The following MPPED2 variants were observed in gnomAD, a reference collection of about 807,000 sequenced individuals.
MPPED2 encodes the protein metallophosphoesterase MPPED2.
Under a neutral mutation model 33.0 loss-of-function variants are expected in MPPED2, and 5 were observed. That is an observed-to-expected ratio of 0.15 (90% confidence interval 0.08 to 0.32). The LOEUF is 0.32. Among genes scored for constraint, MPPED2 ranks in the 10% least tolerant of loss-of-function variants. MPPED2 has a pLI of 1.00. For synonymous variants in MPPED2, 136 were observed against 141.9 expected (o/e 0.96, Z 0.29); for missense variants, 275 against 372.1 (o/e 0.74, Z 2.15).
At chr11:30,560,637 C>T (rs1176344385) in intron 2 of MPPED2, among the ~76,000 whole-genome samples, 1 of 152,264 alleles carries the variant, frequency 6.6e-6, no homozygotes, top group East Asian at 1.9e-4. Context: ...AGCAAGCACC[C>T]TAATACTAAC....
chr11:30,549,682 T>C (rs545710665), intron 2 of MPPED2, among the ~76,000 whole-genome samples: 1 of 152,188 alleles, frequency 6.6e-6, no homozygotes, highest in East Asian at 1.9e-4. Context: ...AACAAAAACC[T>C]CACAGGTACT....
At chr11:30,574,093 G>A (rs999808414) in intron 2 of MPPED2, among the ~76,000 whole-genome samples, 2 of 152,066 alleles carry the variant, frequency 1.3e-5, no homozygotes, top group African/African-American at 4.8e-5. Flanking sequence ...AGTGTAGACT[G>A]TTTATAAAGC....
chr11:30,414,123 C>G, intron 6 of MPPED2, 105 bp downstream of exon 6: 1 of 726,444 alleles, frequency 1.4e-6, no homozygotes, highest in Non-Finnish European at 2.5e-6. Flanking sequence ...AAAAGGGTCC[C>G]GCTGCTAAAA....
At chr11:30,523,216 A>G (rs1953970209) in intron 3 of MPPED2, among the ~76,000 whole-genome samples, 1 of 152,144 alleles carries the variant, frequency 6.6e-6, no homozygotes, top group South Asian at 2.1e-4. Context: ...ATGACTCTCC[A>G]TACAGCTTGA....
At chr11:30,579,652 C>T (rs1347885971) in intron 2 of MPPED2, among the ~76,000 whole-genome samples, 1 of 152,120 alleles carries the variant, frequency 6.6e-6, no homozygotes, top group Non-Finnish European at 1.5e-5. Flanking sequence ...ATTCCTGGAA[C>T]CAACTGTTCC....
At chr11:30,501,432 C>T (rs976207048) in intron 3 of MPPED2, among the ~76,000 whole-genome samples, 3 of 152,242 alleles carry the variant, frequency 2.0e-5, no homozygotes, top group Non-Finnish European at 4.4e-5. Context: ...AGGTCTCCAA[C>T]CTGCACACAA....
At chr11:30,559,833 T>G (rs975726443) in intron 2 of MPPED2, among the ~76,000 whole-genome samples, 1 of 152,250 alleles carries the variant, frequency 6.6e-6, no homozygotes. Context: ...CTTTTCTTTT[T>G]GAAAATAGTC....
chr11:30,451,776 G>A, intron 4 of MPPED2: 1 of 985,272 alleles, frequency 1.0e-6, no homozygotes, highest in East Asian at 1.1e-4. Flanking sequence ...GGGTGGGAGG[G>A]GACATTTTCA....
Position 30,410,634 on chromosome 11 carries a change from A to C in MPPED2, c.*834T>G, listed in dbSNP as rs961230855. 2 of 985,640 alleles carry C rather than the reference A, an allele frequency of 2.0e-6. No individual in the cohort carries two copies. The highest frequency in any genetic ancestry group is 1.1e-4 in the East Asian group (1 of 8,832). The allele number at this position is 985,640 out of a possible 1,614,324, so 61.1% of individuals were successfully genotyped here. A position where few individuals can be genotyped will look rare whatever the true frequency, so the allele number is the denominator to read the frequency against. On this transcript the variant is annotated 3_prime_UTR_variant, in exon 7 of 7. Transcript: ENST00000358117. ...TCCTTCCGACTTCTGATGTGTTGCTATACAGCATCCCTTTGCAGTTGTACT... is the reference window on the plus strand; with the variant it reads ...TCCTTCCGACTTCTGATGTGTTGCTCTACAGCATCCCTTTGCAGTTGTACT...
chr11:30,463,308 G>A (rs985601364), intron 4 of MPPED2, among the ~76,000 whole-genome samples: 2 of 152,152 alleles, frequency 1.3e-5, no homozygotes, highest in Non-Finnish European at 2.9e-5. Flanking sequence ...TAAACAGCTC[G>A]TAGTGGACAT....
intron 3 of MPPED2, among the ~76,000 whole-genome samples, chr11:30,528,977 G>T (rs548342873): frequency 2.5e-4 from 38 of 152,342 alleles, no homozygotes; most frequent in Admixed American, 9.1e-4. Context: ...AATTAAGGAT[G>T]TTTGCAAAGA....
intron 3 of MPPED2, among the ~76,000 whole-genome samples, chr11:30,515,649 A>C (rs1351708397): frequency 6.6e-6 from 1 of 152,208 alleles, no homozygotes; most frequent in African/African-American, 2.4e-5. Context: ...CTTAATTCTT[A>C]CTATAGATTT....
chr11:30,398,293 C>T (rs1391591582), intron 6 of MPPED2, among the ~76,000 whole-genome samples: 1 of 152,088 alleles, frequency 6.6e-6, no homozygotes, highest in Non-Finnish European at 1.5e-5. Context: ...TTATGAGATT[C>T]ACCCTCAAAA....
chr11:30,526,044 G>A (rs1954155099), intron 3 of MPPED2, among the ~76,000 whole-genome samples: 1 of 152,002 alleles, frequency 6.6e-6, no homozygotes, highest in Admixed American at 6.6e-5. Context: ...TATCAAAATT[G>A]AACTACACTT....
At chr11:30,446,857 CG>C (rs1949834698) in intron 4 of MPPED2, among the ~76,000 whole-genome samples, 1 of 152,118 alleles carries the variant, frequency 6.6e-6, no homozygotes, top group African/African-American at 2.4e-5. Context: ...TCCAAGTTAC[CG>C]ATTTCTCTGA....
At chr11:30,444,598 A>C (rs1257441726) in intron 4 of MPPED2, among the ~76,000 whole-genome samples, 2 of 152,286 alleles carry the variant, frequency 1.3e-5, no homozygotes, top group Admixed American at 6.5e-5. Context: ...GATTTCAAAT[A>C]ATGTTACAAG....
At chr11:30,567,069 T>C (rs746837164) in intron 2 of MPPED2, among the ~76,000 whole-genome samples, 3 of 152,146 alleles carry the variant, frequency 2.0e-5, no homozygotes, top group Non-Finnish European at 4.4e-5. Context: ...AAACAAAAAA[T>C]ACAGGAGGTG....
chr11:30,504,848 A>G (rs1952746683), intron 3 of MPPED2: 5 of 1,228,162 alleles, frequency 4.1e-6, no homozygotes, highest in Non-Finnish European at 5.4e-6. Context: ...GAAATATTAA[A>G]CACAGAAAAC....
At chr11:30,425,412 A>G (rs1180667107) in intron 4 of MPPED2, 1 of 152,240 alleles carries the variant, frequency 6.6e-6, no homozygotes, top group African/African-American at 2.4e-5. Flanking sequence ...GCTCTGAATT[A>G]TTAAAAATAA....
Sources: gnomAD v4.1 joint callset for allele counts (sites outside exome capture counted in the v4.1 genomes callset) on GRCh38, gnomAD v4.1.1 for gene constraint, MANE v1.5 for transcripts, NCBI Gene and HGNC (gene_info 2026-07-23, HGNC 2026-07-21) for gene names.